ARHGEF4: variants seen among roughly 807,000 people sequenced by gnomAD.
ARHGEF4 encodes Rho guanine nucleotide exchange factor 4, also known as APC-stimulated guanine nucleotide exchange factor 1.
ARHGEF4 carries 119 observed loss-of-function variants against 162.0 expected under a neutral mutation model. The ratio of observed to expected loss-of-function variants is 0.73; its 90% CI spans 0.63 to 0.86. The LOEUF (loss-of-function observed/expected upper bound fraction) is 0.86. Ranked by LOEUF, ARHGEF4 falls within the 40% of genes least tolerant of loss-of-function variation. The pLI is 0.00. For synonymous variants in ARHGEF4, 1,014 were observed against 979.9 expected (o/e 1.03, Z -0.65); for missense variants, 2,488 against 2,456.0 (o/e 1.01, Z -0.28).
intron 1 of ARHGEF4, among the ~76,000 whole-genome samples, chr2:130,873,690 GCTT>G (rs1355026683): frequency 2.6e-5 from 4 of 152,104 alleles, no homozygotes; most frequent in African/African-American, 9.7e-5. Context: ...GTGGCTAGCG[GCTT>G]CTTTTTAGAA....
In ARHGEF4 at chr2:130,945,261, G is replaced by A. The variant is rs1683535488; in HGVS notation, c.3859-1248G>A. Among the ~76,000 whole-genome samples the A allele has an allele frequency of 2.6e-5, 4 of 152,118 alleles. No homozygotes were observed. In the South Asian group the frequency reaches 6.3e-4, roughly 24 times the overall value. On this transcript the variant is annotated intron_variant, in intron 3 of 13. Transcript: ENST00000409359. Reference sequence around the variant, plus strand: ...TTCCTAGTTTTCTTGATGGAAAGCTGGGGCTTTCATTTTCCCTCTGCCATA... The same window carrying A: ...TTCCTAGTTTTCTTGATGGAAAGCTAGGGCTTTCATTTTCCCTCTGCCATA...
rs894004169 is a variant in ARHGEF4, at chr2:130,914,385, C to T, written c.439C>T (p.Arg147Ter). The T allele has an allele frequency of 4.2e-6, 6 of 1,445,272 alleles. No individual in the cohort carries two copies. The highest frequency in any genetic ancestry group is 4.5e-6 in the Non-Finnish European group (5 of 1,104,324). The allele number at this position is 1,445,272 out of a possible 1,614,324, so 89.5% of individuals were successfully genotyped here. A position where few individuals can be genotyped will look rare whatever the true frequency, so the allele number is the denominator to read the frequency against. Residue 147 changes from arginine (R) to a stop codon, truncating the protein, a stop_gained, in exon 2 of 14, where the codon CGA becomes TGA. Transcript: ENST00000409359. LOFTEE classifies it high-confidence loss of function. ...LEDDSCKNGW[R>*]AFATVAGEQE... ...GGATGACTCTTGCAAAAATGGGTGG[C>T]GAGCCTTTGCCACAGTTGCTGGAGA...
At chr2:130,950,852 G>C (rs1176387569) in intron 4 of ARHGEF4, among the ~76,000 whole-genome samples, 1 of 152,100 alleles carries the variant, frequency 6.6e-6, no homozygotes, top group Admixed American at 6.5e-5. Context: ...ATGTACTTCA[G>C]TACTTCATTT....
Position 131,041,679 on chromosome 2 carries a change from G to C in ARHGEF4, c.4896-136G>C. On this transcript the variant is annotated intron_variant, in intron 9 of 13. Transcript: ENST00000409359. The stretch of plus-strand genomic sequence containing the variant: ...GCCATTTATGGAGAAGAGAGGGGCT[G>C]TGCATCTGATAGTGAGGATGTGGTC... 6 of 1,283,044 alleles carry C rather than the reference G, an allele frequency of 4.7e-6. 1 individual carries two copies. In the South Asian group the frequency reaches 7.1e-5, roughly 15 times the overall value. 79.5% of individuals were successfully genotyped at this position (1,283,044 alleles called of 1,614,324 possible).
At chr2:130,967,475 C>A (rs1685079894) in intron 4 of ARHGEF4, among the ~76,000 whole-genome samples, 1 of 152,148 alleles carries the variant, frequency 6.6e-6, no homozygotes, top group African/African-American at 2.4e-5. Flanking sequence ...GCTTCTGGGG[C>A]TGACAGTTTT....
chr2:130,917,899 C>T (rs907456447), intron 2 of ARHGEF4, among the ~76,000 whole-genome samples: 2 of 149,662 alleles, frequency 1.3e-5, no homozygotes, highest in African/African-American at 4.9e-5. Flanking sequence ...CTCGGCTCAC[C>T]GCAACCTCTG....
intron 1 of ARHGEF4, among the ~76,000 whole-genome samples, chr2:130,887,089 T>C (rs925487802): frequency 6.6e-6 from 1 of 152,074 alleles, no homozygotes; most frequent in African/African-American, 2.4e-5. Flanking sequence ...CAATGTTGTT[T>C]TTCTTTTTAA....
chr2:130,884,435 CTA>C (rs1394456980), intron 1 of ARHGEF4, among the ~76,000 whole-genome samples: 1 of 152,056 alleles, frequency 6.6e-6, no homozygotes, highest in East Asian at 1.9e-4. Flanking sequence ...CTTAAATTCT[CTA>C]TGTCTCAGTG....
intron 4 of ARHGEF4, among the ~76,000 whole-genome samples, chr2:130,986,266 G>A (rs1363282252): frequency 2.6e-5 from 4 of 152,144 alleles, no homozygotes; most frequent in African/African-American, 9.7e-5. Flanking sequence ...CCTCTTTGTG[G>A]GCTCTGGCTG....
At chr2:130,912,871 A>G (rs960918730) in intron 1 of ARHGEF4, among the ~76,000 whole-genome samples, 3 of 152,216 alleles carry the variant, frequency 2.0e-5, no homozygotes, top group Admixed American at 6.5e-5. Flanking sequence ...CAGTCAGAAA[A>G]TAGGTGAGTA....
At chr2:130,925,035 A>AGTGTGTGTGTGTGT (rs55986926) in intron 2 of ARHGEF4, among the ~76,000 whole-genome samples, 1 of 137,888 alleles carries the variant, frequency 7.3e-6, no homozygotes, top group Non-Finnish European at 1.6e-5. Flanking sequence ...AGGAGTTCTA[A>AGTGTGTGTGTGTGT]GTGTGTGTGT....
At chr2:130,998,927 C>T (rs890662874) in intron 4 of ARHGEF4, among the ~76,000 whole-genome samples, 2 of 152,142 alleles carry the variant, frequency 1.3e-5, no homozygotes, top group South Asian at 2.1e-4. Context: ...TTTGCATTCC[C>T]GCAAGCCATG....
chr2:131,027,419 G>C (rs183092267), intron 4 of ARHGEF4, among the ~76,000 whole-genome samples: 54 of 152,332 alleles, frequency 3.5e-4, no homozygotes, highest in African/African-American at 1.2e-3. Context: ...ATGGGAATGG[G>C]ACTGGAATGG....
At chr2:130,897,881 G>A (rs964594552) in intron 1 of ARHGEF4, among the ~76,000 whole-genome samples, 1 of 152,192 alleles carries the variant, frequency 6.6e-6, no homozygotes, top group Non-Finnish European at 1.5e-5. Context: ...AAGATCAAAA[G>A]AGGTAATGAA....
intron 3 of ARHGEF4, among the ~76,000 whole-genome samples, chr2:130,942,590 G>A (rs1683376302): frequency 6.6e-6 from 1 of 152,170 alleles, no homozygotes. Flanking sequence ...ACATACAAGG[G>A]TTAGAACAGC....
chr2:130,962,237 CAAAAAAAA>C (rs11332592), intron 4 of ARHGEF4, among the ~76,000 whole-genome samples: 1 of 122,358 alleles, frequency 8.2e-6, no homozygotes, highest in Non-Finnish European at 1.7e-5. Flanking sequence ...GTTTCCGTTT[CAAAAAAAA>C]AAAAAAAAAG....
intron 4 of ARHGEF4, among the ~76,000 whole-genome samples, chr2:130,958,978 G>A (rs1185929163): frequency 4.1e-5 from 6 of 147,478 alleles, no homozygotes; most frequent in Non-Finnish European, 8.9e-5. Flanking sequence ...GTCTTACTCT[G>A]TTGCCCAGGC....
intron 4 of ARHGEF4, among the ~76,000 whole-genome samples, chr2:130,961,749 C>T (rs756305237): frequency 1.1e-4 from 17 of 152,002 alleles, no homozygotes; most frequent in Non-Finnish European, 2.4e-4. Flanking sequence ...GAAGGTAGAC[C>T]CCACAAGACT....
intron 4 of ARHGEF4, among the ~76,000 whole-genome samples, chr2:131,007,800 CTTTTTTTT>C (rs70994731): frequency 1.2e-3 from 68 of 55,910 alleles, no homozygotes; most frequent in Non-Finnish European, 1.8e-3. Context: ...CTTTTCTTTT[CTTTTTTTT>C]TTTTTTTTTT....
Sources: gnomAD v4.1 joint callset for allele counts (sites outside exome capture counted in the v4.1 genomes callset) on GRCh38, gnomAD v4.1.1 for gene constraint, MANE v1.5 for transcripts, NCBI Gene and HGNC (gene_info 2026-07-23, HGNC 2026-07-21) for gene names.